The following GPHN variants were observed in gnomAD, a reference collection of about 807,000 sequenced individuals.
GPHN encodes gephyrin.
A neutral mutation model predicts 95.5 loss-of-function variants in GPHN; 17 were observed. The observed-to-expected ratio is 0.18, with a 90% confidence interval of 0.12 to 0.27. GPHN has a LOEUF of 0.27. Among genes scored for constraint, GPHN ranks in the 10% least tolerant of loss-of-function variants. The pLI is 1.00. For missense variants in GPHN, 660 were observed against 978.1 expected, an observed-to-expected ratio of 0.67 and a Z score of 4.34; for synonymous variants, 320 against 322.5, an observed-to-expected ratio of 0.99 and a Z score of 0.08.
chr14:67,341,425 C>T, the GPHN span, among the ~76,000 whole-genome samples: 6 of 151,590 alleles, frequency 4.0e-5, no homozygotes, highest in South Asian at 2.1e-4. Flanking sequence ...AAGTGAGGAG[C>T]GTCTCCGCCC....
chr14:67,078,268 A>AAATGGGGCTCTTCCTGG (rs1323241597), intron 11 of GPHN, among the ~76,000 whole-genome samples: 2 of 152,132 alleles, frequency 1.3e-5, no homozygotes, highest in East Asian at 1.9e-4. Context: ...TGCTTATTAT[A>AAATGGGGCTCTTCCTGG]AATGGGGCTC....
At chr14:66,804,880 T>C (rs889012185) in intron 3 of GPHN, among the ~76,000 whole-genome samples, 2 of 152,246 alleles carry the variant, frequency 1.3e-5, no homozygotes, top group Admixed American at 6.5e-5. Flanking sequence ...TCCTGTATTA[T>C]ATTTTTTAAC....
intron 16 of GPHN, among the ~76,000 whole-genome samples, chr14:67,121,995 G>A (rs916811975): frequency 6.6e-6 from 1 of 152,146 alleles, no homozygotes; most frequent in African/African-American, 2.4e-5. Flanking sequence ...TCAAATTGGA[G>A]CCCAACCTGG....
chr14:67,460,155 C>A, the GPHN span, among the ~76,000 whole-genome samples: 1 of 152,162 alleles, frequency 6.6e-6, no homozygotes, highest in African/African-American at 2.4e-5. Context: ...GTTCCCCATA[C>A]CCCGCCTCCC....
chr14:67,104,858 A>C (rs1472874452), intron 13 of GPHN, among the ~76,000 whole-genome samples: 2 of 150,348 alleles, frequency 1.3e-5, no homozygotes, highest in Non-Finnish European at 3.0e-5. Context: ...TCTTATCTGT[A>C]TTCTTTCTTT....
chr14:67,575,685 T>G, the GPHN span: 1 of 735,790 alleles, frequency 1.4e-6, no homozygotes, highest in Non-Finnish European at 2.3e-6. Flanking sequence ...CTGGCTGGGA[T>G]GCTATAGTCT....
chr14:67,159,407 G>A lies in GPHN; in HGVS notation c.1837-8G>A, dbSNP rs1244894998. 1 of 1,545,332 alleles carries A rather than the reference G, an allele frequency of 6.5e-7. No homozygotes were observed. Among genetic ancestry groups the A allele is most frequent in the Admixed American group, 1.7e-5 (1 of 59,920 alleles). On this transcript the variant is annotated splice_polypyrimidine_tract_variant and splice_region_variant and intron_variant, in intron 18 of 22. Transcript: ENST00000478722. Reference sequence around the variant, plus strand: ...TGAAAGTAAAGTGATTATTTTTAATGTTTGCAGGACTATCTCAAGCAGGTG... The same window carrying A: ...TGAAAGTAAAGTGATTATTTTTAATATTTGCAGGACTATCTCAAGCAGGTG...
the GPHN span, among the ~76,000 whole-genome samples, chr14:67,426,766 G>A: frequency 6.6e-6 from 1 of 152,140 alleles, no homozygotes; most frequent in Non-Finnish European, 1.5e-5. Flanking sequence ...GTGCAGACGG[G>A]GTTTCTCCAT....
chr14:67,389,643 C>T, the GPHN span, among the ~76,000 whole-genome samples: 8 of 151,894 alleles, frequency 5.3e-5, no homozygotes, highest in South Asian at 1.2e-3. Context: ...TGTATAGGCA[C>T]GTATGTGTGT....
At chr14:67,398,067 AAAG>A in the GPHN span, 2 of 359,554 alleles carry the variant, frequency 5.6e-6, no homozygotes, top group African/African-American at 2.1e-5. Flanking sequence ...TACAAAGTAA[AAAG>A]AAGAGAAAAA....
the GPHN span, among the ~76,000 whole-genome samples, chr14:67,373,283 A>G: frequency 1.3e-5 from 2 of 152,200 alleles, no homozygotes; most frequent in Admixed American, 1.3e-4. Flanking sequence ...TTTTAAACAC[A>G]AAGAACTTAA....
the GPHN span, among the ~76,000 whole-genome samples, chr14:67,462,471 A>G: frequency 6.6e-6 from 1 of 152,164 alleles, no homozygotes; most frequent in African/African-American, 2.4e-5. Flanking sequence ...TCAGCCTCCC[A>G]AGTAGCTAGG....
intron 1 of GPHN, among the ~76,000 whole-genome samples, chr14:66,540,070 C>T (rs575408436): frequency 1.3e-5 from 2 of 152,260 alleles, no homozygotes; most frequent in African/African-American, 4.8e-5. Flanking sequence ...TAACAAATGA[C>T]CTCTATTTCA....
intron 8 of GPHN, among the ~76,000 whole-genome samples, chr14:66,963,957 T>C (rs1181340646): frequency 6.6e-6 from 1 of 152,302 alleles, no homozygotes; most frequent in South Asian, 2.1e-4. Context: ...TATTTGTTGA[T>C]TAAATGTTAA....
chr14:66,723,479 C>T (rs2070942535), intron 2 of GPHN, among the ~76,000 whole-genome samples: 1 of 151,900 alleles, frequency 6.6e-6, no homozygotes. Flanking sequence ...TGAGACACTG[C>T]TCAAAGGTAG....
intron 17 of GPHN, among the ~76,000 whole-genome samples, chr14:67,134,372 T>C (rs1214273566): frequency 6.6e-6 from 1 of 152,238 alleles, no homozygotes. Context: ...GGCTTCCTCT[T>C]TTACATGATA....
At chr14:67,694,062 G>A in the GPHN span, among the ~76,000 whole-genome samples, 7 of 152,166 alleles carry the variant, frequency 4.6e-5, no homozygotes, top group Non-Finnish European at 7.3e-5. Flanking sequence ...GCAATGTTGG[G>A]ACTCTGGTTA....
the GPHN span, among the ~76,000 whole-genome samples, chr14:67,405,397 C>T: frequency 6.6e-6 from 1 of 152,004 alleles, no homozygotes; most frequent in Non-Finnish European, 1.5e-5. Context: ...TTCATTCATT[C>T]ATTTAATAAT....
chr14:67,367,480 T>C, the GPHN span, among the ~76,000 whole-genome samples: 8 of 152,334 alleles, frequency 5.3e-5, no homozygotes, highest in Admixed American at 1.3e-4. Context: ...CCACCCGCCT[T>C]GGCCTCCCAA....
Sources: gnomAD v4.1 joint callset for allele counts (sites outside exome capture counted in the v4.1 genomes callset) on GRCh38, gnomAD v4.1.1 for gene constraint, MANE v1.5 for transcripts, NCBI Gene and HGNC (gene_info 2026-07-23, HGNC 2026-07-21) for gene names.